The following CAB39 variants were observed in gnomAD, a reference collection of about 807,000 sequenced individuals.
The protein encoded by CAB39 is calcium-binding protein 39.
A neutral mutation model predicts 40.0 loss-of-function variants in CAB39; 8 were observed. The observed-to-expected ratio is 0.20, with a 90% confidence interval of 0.12 to 0.36. CAB39 has a LOEUF of 0.36. Ranked by LOEUF, CAB39 falls within the 10% of genes least tolerant of loss-of-function variation. The pLI, the probability that CAB39 is intolerant of heterozygous loss-of-function variation, is 1.00. For missense variants in CAB39, 270 were observed against 401.1 expected (o/e 0.67, Z 2.79); for synonymous variants, 156 against 141.6 (o/e 1.10, Z -0.72).
chr2:230,785,890 C>T lies in CAB39; in HGVS notation c.115-4982C>T, dbSNP rs148747676. Reference sequence around the variant, plus strand: ...TTTAAGAGATGGAGTCTTGGCCGGGCGCGGTGGCTCACACCTGTAATCCCA... The same window carrying T: ...TTTAAGAGATGGAGTCTTGGCCGGGTGCGGTGGCTCACACCTGTAATCCCA... On this transcript the variant is annotated intron_variant, in intron 2 of 8. Transcript: ENST00000258418. Among the ~76,000 whole-genome samples the T allele has an allele frequency of 9.9e-5, 15 of 151,356 alleles. No homozygotes were observed. The East Asian group carries it at 1.4e-3, about 14-fold the overall frequency.
chr2:230,787,315 C>G (rs1198322905), intron 2 of CAB39, among the ~76,000 whole-genome samples: 3 of 152,254 alleles, frequency 2.0e-5, no homozygotes, highest in Middle Eastern at 3.4e-3. Flanking sequence ...TCTATTCATG[C>G]GTCATTCCTT....
intron 4 of CAB39, 93 bp downstream of exon 4, chr2:230,793,424 T>G: frequency 1.8e-6 from 1 of 550,014 alleles, no homozygotes; most frequent in Admixed American, 3.0e-5. Flanking sequence ...GTGGGAAGCA[T>G]TTTCTCTGTA....
intron 1 of CAB39, among the ~76,000 whole-genome samples, chr2:230,755,420 A>G (rs1165421678): frequency 6.6e-6 from 1 of 152,098 alleles, no homozygotes; most frequent in East Asian, 1.9e-4. Flanking sequence ...TCATATGTTC[A>G]TTGGCCATTT....
At chr2:230,773,986 C>A (rs1435340023) in intron 2 of CAB39, among the ~76,000 whole-genome samples, 1 of 152,120 alleles carries the variant, frequency 6.6e-6, no homozygotes, top group African/African-American at 2.4e-5. Context: ...CATATCCTTA[C>A]ATCGATATAC....
intron 7 of CAB39, 149 bp from the exon 8 acceptor site, chr2:230,817,605 G>C (rs1489706087): frequency 1.8e-6 from 1 of 564,832 alleles, no homozygotes; most frequent in Non-Finnish European, 2.9e-6. Flanking sequence ...GCCCTTCGTA[G>C]CTTTTAGGTT....
rs533802002 is a variant in CAB39, at chr2:230,715,844, G to A, written c.-44+2614G>A. On this transcript the variant is annotated intron_variant, in intron 1 of 8. Coordinates refer to ENST00000258418, the MANE Select transcript of CAB39 (RefSeq NM_016289.4). ...CAGCCTCCTGTAGACGGGACCACAGGCTCGTACCATCACATCCGGCTAATT... is the reference window on the plus strand; with the variant it reads ...CAGCCTCCTGTAGACGGGACCACAGACTCGTACCATCACATCCGGCTAATT... 2.0e-5 allele frequency among the ~76,000 whole-genome samples: 3 copies of A among 152,244 alleles called. No homozygotes were observed. In the South Asian group the frequency reaches 6.2e-4, roughly 32 times the overall value.
intron 1 of CAB39, among the ~76,000 whole-genome samples, chr2:230,754,587 C>G (rs1179105865): frequency 6.6e-6 from 1 of 152,050 alleles, no homozygotes; most frequent in Non-Finnish European, 1.5e-5. Context: ...GGCACGATCT[C>G]AGCTCACTGC....
In CAB39 at chr2:230,820,704, C is replaced by T. The variant is rs1345819605; in HGVS notation, c.*2000C>T. ...TTAGGTGGAAGAAGTGAGGGTGCAGCGTGTCAGACACAACATTCATGTTAC... is the reference window on the plus strand; with the variant it reads ...TTAGGTGGAAGAAGTGAGGGTGCAGTGTGTCAGACACAACATTCATGTTAC... On this transcript the variant is annotated 3_prime_UTR_variant, in exon 9 of 9. Transcript: ENST00000258418. 4 of 152,604 alleles carry T rather than the reference C, an allele frequency of 2.6e-5. No individual in the cohort carries two copies. The highest frequency in any genetic ancestry group is 5.9e-5 in the Non-Finnish European group (4 of 68,034). The allele number at this position is 152,604 out of a possible 1,614,324, so 9.5% of individuals were successfully genotyped here.
chr2:230,759,153 A>C (rs1695245421), intron 1 of CAB39, among the ~76,000 whole-genome samples: 1 of 152,212 alleles, frequency 6.6e-6, no homozygotes, highest in Non-Finnish European at 1.5e-5. Context: ...AAAAGAGTAC[A>C]TCTTGACAAC....
chr2:230,793,845 A>G (rs1030470767), intron 4 of CAB39, among the ~76,000 whole-genome samples: 23 of 152,294 alleles, frequency 1.5e-4, no homozygotes, highest in African/African-American at 5.5e-4. Context: ...AATCCATATA[A>G]TTTGGTAATT....
intron 1 of CAB39, among the ~76,000 whole-genome samples, chr2:230,714,866 C>A (rs559991362): frequency 1.3e-5 from 2 of 152,308 alleles, no homozygotes; most frequent in South Asian, 4.1e-4. Flanking sequence ...AGCTTAGGGC[C>A]TAAGTTTTGT....
At chr2:230,730,749 A>G (rs1299684866) in intron 1 of CAB39, among the ~76,000 whole-genome samples, 1 of 152,082 alleles carries the variant, frequency 6.6e-6, no homozygotes, top group Non-Finnish European at 1.5e-5. Flanking sequence ...CGGCCAAGAA[A>G]ACTTATATGA....
chr2:230,746,718 T>C (rs1319795400), intron 1 of CAB39, among the ~76,000 whole-genome samples: 1 of 152,214 alleles, frequency 6.6e-6, no homozygotes, highest in Non-Finnish European at 1.5e-5. Context: ...GGCTCCTTTC[T>C]GCATGGGTTT....
At chr2:230,737,938 G>C (rs1482407043) in intron 1 of CAB39, among the ~76,000 whole-genome samples, 1 of 152,190 alleles carries the variant, frequency 6.6e-6, no homozygotes, top group Non-Finnish European at 1.5e-5. Context: ...TGGTTATTCT[G>C]TAAACAGCAC....
chr2:230,767,848 G>A (rs889076610), intron 2 of CAB39, among the ~76,000 whole-genome samples: 4 of 151,936 alleles, frequency 2.6e-5, no homozygotes, highest in Non-Finnish European at 5.9e-5. Context: ...TTTTTCCTTT[G>A]CCTGGAAGGT....
intron 1 of CAB39, among the ~76,000 whole-genome samples, chr2:230,727,247 T>A (rs1694596608): frequency 2.0e-5 from 3 of 147,910 alleles, no homozygotes; most frequent in Admixed American, 1.3e-4. Context: ...ATATATAAAT[T>A]GGAAGCGGGT....
At chr2:230,759,207 C>T (rs913264817) in intron 1 of CAB39, among the ~76,000 whole-genome samples, 3 of 152,078 alleles carry the variant, frequency 2.0e-5, no homozygotes, top group Admixed American at 6.6e-5. Context: ...ATTTTATTCC[C>T]CTGTCCAGGC....
chr2:230,751,259 T>A (rs531486821), intron 1 of CAB39, among the ~76,000 whole-genome samples: 2 of 151,926 alleles, frequency 1.3e-5, no homozygotes, highest in South Asian at 2.1e-4. Flanking sequence ...TAGTGTAGAG[T>A]CTTGTGAGCT....
At chr2:230,746,651 C>T (rs1246718976) in intron 1 of CAB39, among the ~76,000 whole-genome samples, 2 of 152,164 alleles carry the variant, frequency 1.3e-5, no homozygotes, top group Admixed American at 6.5e-5. Flanking sequence ...AAATTATAGG[C>T]ACTTTGCTAG....
Sources: gnomAD v4.1 joint callset for allele counts (sites outside exome capture counted in the v4.1 genomes callset) on GRCh38, gnomAD v4.1.1 for gene constraint, MANE v1.5 for transcripts, NCBI Gene and HGNC (gene_info 2026-07-23, HGNC 2026-07-21) for gene names.